EGLN1: variants seen among roughly 807,000 people sequenced by gnomAD.
EGLN1 encodes the protein egl nine homolog 1.
A neutral mutation model predicts 38.3 loss-of-function variants in EGLN1; 17 were observed. The observed-to-expected ratio is 0.44, with a 90% CI of 0.30 to 0.67. EGLN1 has a LOEUF of 0.67. Among genes scored for constraint, EGLN1 ranks in the 30% least tolerant of loss-of-function variants. EGLN1 has a pLI of 0.08. For synonymous variants in EGLN1, 283 were observed against 257.5 expected, an observed-to-expected ratio of 1.10 and a Z score of -0.95; for missense variants, 477 against 603.3, an observed-to-expected ratio of 0.79 and a Z score of 2.19.
intron 1 of EGLN1, among the ~76,000 whole-genome samples, chr1:231,405,602 C>A (rs1688768840): frequency 6.6e-6 from 1 of 152,134 alleles, no homozygotes. Context: ...GAGTGCCTTG[C>A]TCAGTAGTAG....
chr1:231,397,179 T>C (rs1688551422), intron 1 of EGLN1, among the ~76,000 whole-genome samples: 1 of 152,244 alleles, frequency 6.6e-6, no homozygotes, highest in Non-Finnish European at 1.5e-5. Flanking sequence ...GAAGAGTTTG[T>C]AGTTACAGAT....
intron 1 of EGLN1, 108 bp from the exon 2 acceptor site, chr1:231,374,207 T>C (rs1224816187): frequency 2.1e-6 from 2 of 941,166 alleles, no homozygotes; most frequent in East Asian, 5.2e-5. Flanking sequence ...ACTTAGATTC[T>C]TCTAATAAAA....
At chr1:231,405,735 G>T (rs1688772409) in intron 1 of EGLN1, among the ~76,000 whole-genome samples, 1 of 151,752 alleles carries the variant, frequency 6.6e-6, no homozygotes, top group South Asian at 2.1e-4. Flanking sequence ...AATTCTAAGA[G>T]GAAGAAACAC....
At chr1:231,398,433 G>A (rs575631586) in intron 1 of EGLN1, among the ~76,000 whole-genome samples, 1 of 152,172 alleles carries the variant, frequency 6.6e-6, no homozygotes, top group East Asian at 1.9e-4. Flanking sequence ...CAAGTAGCTG[G>A]GACTATAGGT....
At position 231,373,977 on chromosome 1, in the gene EGLN1, T is replaced by C; in HGVS notation, c.1011+3A>G. 1 of 1,613,788 alleles carries C rather than the reference T, an allele frequency of 6.2e-7. No homozygotes were observed. The highest frequency in any genetic ancestry group is 8.5e-7 in the Non-Finnish European group (1 of 1,179,808). ...AAAATAAATGCTCAATTAAGTTGCA[T>C]ACCTTGGCATCCCAGTCTTTATTAA... On this transcript the variant is annotated splice_donor_region_variant and intron_variant, in intron 2 of 4. Transcript: ENST00000366641.
rs1656588454 is a variant in EGLN1, at chr1:231,421,363, C to T, written c.526G>A (p.Gly176Ser). The change falls in exon 1 of 5, where the codon GGC becomes AGC. Residue 176 changes from glycine (G) to serine (S), a missense_variant. By Grantham distance (56) the Gly-to-Ser change is moderately conservative. Coordinates refer to ENST00000366641, the MANE Select transcript of EGLN1 (RefSeq NM_022051.3). This position sits in a 1 kb window ranked among gnomAD's most constrained non-coding sequence, Gnocchi z 5.5. ...SNTPGDALSP[G>S]GGLRPNGQTK... ...TGCCCGTTGGGCCGCAGGCCGCCGC[C>T]GGGGCTCAGCGCATCCCCGGGCGTG... 2 of 1,609,452 alleles carry T rather than the reference C, an allele frequency of 1.2e-6. No individual in the cohort carries two copies. Among genetic ancestry groups the T allele is most frequent in the Non-Finnish European group, 1.7e-6 (2 of 1,177,978 alleles).
rs1050825730 is a variant in EGLN1 at position 231,367,710 on chromosome 1, A to G, written c.1149-74T>C. 9 of 1,398,248 alleles carry G rather than the reference A, an allele frequency of 6.4e-6. No individual in the cohort carries two copies. In the African/African-American group the frequency reaches 1.1e-4, roughly 18 times the overall value. 86.6% of individuals were successfully genotyped at this position (1,398,248 alleles called of 1,614,324 possible). A position where few individuals can be genotyped will look rare whatever the true frequency, so the allele number is the denominator to read the frequency against. ...AAGTGGTATTTTGCTGCAATGGTAT[A>G]TTAAAACTTGTAATGCCAAAATTAT... On this transcript the variant is annotated intron_variant, in intron 3 of 4. Coordinates refer to ENST00000366641, the MANE Select transcript of EGLN1 (RefSeq NM_022051.3).
chr1:231,369,603 G>C lies in EGLN1; in HGVS notation c.1148+959C>G, dbSNP rs558948855. 5.1e-6 allele frequency: 5 copies of C among 985,174 alleles called. No homozygotes were observed. In the South Asian group the frequency reaches 1.9e-4, roughly 37 times the overall value. The allele number at this position is 985,174 out of a possible 1,614,324, so 61.0% of individuals were successfully genotyped here. ...ACCTGCTTAGCTTGCTACTCAGTAC[G>C]TGAATTAGGATGCAGGCAACACACC... is the stretch of plus-strand genomic sequence containing the variant. On this transcript the variant is annotated intron_variant, in intron 3 of 4. Transcript: ENST00000366641.
intron 1 of EGLN1, among the ~76,000 whole-genome samples, chr1:231,375,219 CT>C (rs1030929623): frequency 1.3e-5 from 2 of 151,494 alleles, no homozygotes; most frequent in Non-Finnish European, 2.9e-5. Flanking sequence ...CCAGGCCCGG[CT>C]AATTTTTGTA....
intron 1 of EGLN1, among the ~76,000 whole-genome samples, chr1:231,385,974 A>G (rs1221123718): frequency 6.6e-6 from 1 of 151,946 alleles, no homozygotes; most frequent in Non-Finnish European, 1.5e-5. Context: ...TGAGTAGACT[A>G]GCTAATTTTT....
chr1:231,421,068 C>G lies in EGLN1; in HGVS notation c.821G>C (p.Ser274Thr). ...PGCETIGLLM[S>T]SMDDLIRHCN... ...GTGGCGTATCAGGTCGTCCATGCTG[C>G]TCATGAGCAGCCCAATGGTTTCGCA... Residue 274 changes from serine (S) to threonine (T), a missense_variant, in exon 1 of 5, where the codon AGC becomes ACC. Around this residue, in one of 4 missense-constraint regions of EGLN1, gnomAD observed 119 missense variants for 179.0 expected, o/e 0.66. Transcript: ENST00000366641. This position sits in a 1 kb window ranked among gnomAD's most constrained non-coding sequence, Gnocchi z 5.5. 1.2e-6 allele frequency: 2 copies of G among 1,614,206 alleles called. No individual in the cohort carries two copies. Among genetic ancestry groups the G allele is most frequent in the Non-Finnish European group, 1.7e-6 (2 of 1,180,036 alleles).
rs1255328703 is a variant in EGLN1 at position 231,391,133 on chromosome 1, T to TGTGTGTGA, written c.892-17035_892-17034insTCACACAC. On this transcript the variant is annotated intron_variant, in intron 1 of 4. Coordinates refer to ENST00000366641, the MANE Select transcript of EGLN1 (RefSeq NM_022051.3). The stretch of plus-strand genomic sequence containing the variant: ...GTGTGTGTGTGTGTGTGTGTGTGTG[T>TGTGTGTGA]GAGACAGGGAACTCATTCTGTTGCC... Among the ~76,000 whole-genome samples the TGTGTGTGA allele has an allele frequency of 2.0e-3, 114 of 56,802 alleles. 2 individuals are homozygous for TGTGTGTGA. Among genetic ancestry groups the TGTGTGTGA allele is most frequent in the African/African-American group, 4.5e-3 (107 of 23,564 alleles). The allele number at this position is 56,802 out of a possible 152,430, so 37.3% of individuals were successfully genotyped here.
At chr1:231,412,063 TATTC>T (rs1263170811) in intron 1 of EGLN1, among the ~76,000 whole-genome samples, 4 of 125,224 alleles carry the variant, frequency 3.2e-5, no homozygotes, top group Admixed American at 9.2e-5. Context: ...CTGGATAGTA[TATTC>T]TAATTTTAAT....
At chr1:231,388,981 T>C (rs1688302402) in intron 1 of EGLN1, among the ~76,000 whole-genome samples, 2 of 152,244 alleles carry the variant, frequency 1.3e-5, no homozygotes, top group African/African-American at 2.4e-5. Context: ...TTATCAATGA[T>C]TTTGAGTCAC....
At chr1:231,388,180 A>G (rs1259227389) in intron 1 of EGLN1, among the ~76,000 whole-genome samples, 6 of 152,134 alleles carry the variant, frequency 3.9e-5, no homozygotes, top group Admixed American at 3.3e-4. Flanking sequence ...TACCACTGCT[A>G]AAGGATATGA....
intron 1 of EGLN1, among the ~76,000 whole-genome samples, chr1:231,419,123 T>G (rs6695650): frequency 6.6e-6 from 1 of 152,192 alleles, no homozygotes; most frequent in Non-Finnish European, 1.5e-5. Flanking sequence ...AAAATTAATA[T>G]AAGCAGATCA....
At chr1:231,384,069 G>C (rs1688135759) in intron 1 of EGLN1, among the ~76,000 whole-genome samples, 1 of 152,124 alleles carries the variant, frequency 6.6e-6, no homozygotes, top group Non-Finnish European at 1.5e-5. Context: ...ATAGATGAGA[G>C]TCAGAATAAA....
intron 1 of EGLN1, among the ~76,000 whole-genome samples, chr1:231,409,746 G>GCAATGA (rs1688887244): frequency 1.3e-5 from 2 of 152,146 alleles, no homozygotes; most frequent in Non-Finnish European, 2.9e-5. Context: ...ATTTGTTACA[G>GCAATGA]TTACAGCTAA....
intron 1 of EGLN1, among the ~76,000 whole-genome samples, chr1:231,383,660 C>A (rs1454324596): frequency 3.3e-5 from 5 of 152,064 alleles, no homozygotes; most frequent in Non-Finnish European, 7.4e-5. Flanking sequence ...CAGTGTGGAG[C>A]AATAGGGATG....
Sources: allele counts gnomAD v4.1 joint callset (sites outside exome capture counted in the v4.1 genomes callset), GRCh38; gene constraint gnomAD v4.1.1; regional missense constraint gnomAD v4.1.1; non-coding constraint Gnocchi (gnomAD v3.1); transcripts MANE v1.5; gene names NCBI Gene and HGNC (gene_info 2026-07-23, HGNC 2026-07-21).